Variants in DEPDC5 observed in about 807,000 individuals in gnomAD.
The protein encoded by DEPDC5 is DEP domain containing 5, GATOR1 subcomplex subunit, also known as GATOR1 complex protein DEPDC5.
DEPDC5 carries 73 observed loss-of-function variants against 217.3 expected under a neutral mutation model. The observed-to-expected ratio is 0.34, with a 90% CI of 0.28 to 0.41. The LOEUF (loss-of-function observed/expected upper bound fraction) is 0.41, where lower values mean the gene tolerates loss of function less well. DEPDC5 is among the 10% of genes least tolerant of loss of function. The pLI, the probability that DEPDC5 is intolerant of heterozygous loss-of-function variation, is 1.00. For missense variants in DEPDC5, 1,675 were observed against 2,070.1 expected (o/e 0.81, Z 3.70); for synonymous variants, 733 against 756.7 (o/e 0.97, Z 0.51).
chr22:31,860,725 G>A (rs368236420), intron 32 of DEPDC5, among the ~76,000 whole-genome samples: 4 of 152,012 alleles, frequency 2.6e-5, no homozygotes, highest in African/African-American at 7.3e-5. Context: ...GGAGGAGAAG[G>A]TATGGCTGCT....
chr22:31,775,130 A>G (rs2083706832), intron 7 of DEPDC5, among the ~76,000 whole-genome samples: 1 of 151,340 alleles, frequency 6.6e-6, no homozygotes, highest in Admixed American at 6.6e-5. Flanking sequence ...AGCCTGAACT[A>G]TGACTCATGG....
chr22:31,821,681 C>A, intron 23 of DEPDC5, 44 bp downstream of exon 23: 1 of 1,598,276 alleles, frequency 6.3e-7, no homozygotes, highest in South Asian at 1.1e-5. Context: ...TGAGAACACT[C>A]TCCAGCACCC....
chr22:31,833,871 CA>C, intron 24 of DEPDC5, 43 bp from the exon 25 acceptor site: 1 of 1,455,020 alleles, frequency 6.9e-7, no homozygotes, highest in Non-Finnish European at 9.2e-7. Context: ...AACTCTTTTG[CA>C]GAGTGAGCCT....
chr22:31,802,124 ATTTTTT>A (rs761007210), intron 14 of DEPDC5, among the ~76,000 whole-genome samples: 3 of 126,900 alleles, frequency 2.4e-5, no homozygotes, highest in African/African-American at 8.8e-5. Context: ...AACAGCATGA[ATTTTTT>A]TTTTTTTTTT....
intron 17 of DEPDC5, 23 bp downstream of exon 17, chr22:31,804,938 G>A: frequency 6.2e-7 from 1 of 1,604,902 alleles, no homozygotes; most frequent in Non-Finnish European, 8.5e-7. Flanking sequence ...TCGATCAATA[G>A]TAGGTGATAA....
chr22:31,791,953 A>T, intron 10 of DEPDC5, 80 bp from the exon 11 acceptor site: 3 of 532,606 alleles, frequency 5.6e-6, no homozygotes, highest in Non-Finnish European at 6.2e-6. Context: ...AAAAAAAAAG[A>T]ATATTATATG....
At position 31,902,434 on chromosome 22, in the gene DEPDC5, ATACT is replaced by A. The variant is rs1326055947; in HGVS notation, c.4436+635_4436+638del. 7.4e-3 allele frequency among the ~76,000 whole-genome samples: 977 copies of A among 131,740 alleles called. 15 individuals carry two copies. The highest frequency in any genetic ancestry group is 0.01 in the East Asian group (45 of 4,438). 86.4% of individuals were successfully genotyped at this position (131,740 alleles called of 152,430 possible). A position where few individuals can be genotyped will look rare whatever the true frequency, so the allele number is the denominator to read the frequency against. On this transcript the variant is annotated intron_variant, in intron 41 of 42. Transcript: ENST00000651528. ...TATATATATATATATATATATATATATACTTATATATACTCATACAACCACAGGA... is the reference window on the plus strand; with the variant it reads ...TATATATATATATATATATATATATATATATATACTCATACAACCACAGGA...
At chr22:31,878,574 G>T (rs2093070454) in intron 37 of DEPDC5, among the ~76,000 whole-genome samples, 2 of 151,848 alleles carry the variant, frequency 1.3e-5, no homozygotes, top group African/African-American at 2.4e-5. Context: ...TTGGCTGGGT[G>T]TGGTTGTACA....
At chr22:31,828,452 CAAAAA>C (rs35489633) in intron 24 of DEPDC5, among the ~76,000 whole-genome samples, 1 of 73,198 alleles carries the variant, frequency 1.4e-5, no homozygotes. Context: ...AACTCCGTCT[CAAAAA>C]AAAAAAAAAA....
intron 15 of DEPDC5, 93 bp from the exon 16 acceptor site, chr22:31,804,068 GC>G (rs1461394308): frequency 1.7e-6 from 2 of 1,201,344 alleles, no homozygotes; most frequent in Middle Eastern, 1.9e-4. Context: ...AGTTAGCTTT[GC>G]CTACTACCCA....
chr22:31,820,907 G>C (rs2089633118), intron 22 of DEPDC5, among the ~76,000 whole-genome samples: 1 of 152,110 alleles, frequency 6.6e-6, no homozygotes, highest in South Asian at 2.1e-4. Context: ...TCTCCTGCAC[G>C]TTTTGCCTCT....
intron 19 of DEPDC5, 42 bp downstream of exon 19, chr22:31,809,689 G>C: frequency 6.2e-7 from 1 of 1,608,662 alleles, no homozygotes; most frequent in Non-Finnish European, 8.5e-7. Context: ...TTTAAAAAGA[G>C]AGTCAGCTGG....
chr22:31,819,294 C>G, intron 22 of DEPDC5, 69 bp downstream of exon 22: 1 of 1,553,262 alleles, frequency 6.4e-7, no homozygotes, highest in Non-Finnish European at 8.8e-7. Flanking sequence ...TGTCGGTCAC[C>G]CATGTGTCCT....
At chr22:31,757,053 T>C (rs2081995122) in intron 2 of DEPDC5, 1 of 151,742 alleles carries the variant, frequency 6.6e-6, no homozygotes, top group African/African-American at 2.4e-5. Context: ...TTTGGTAAGA[T>C]AGACATGCAA....
chr22:31,809,638 C>T lies in DEPDC5; in HGVS notation c.1315C>T (p.Arg439Cys), dbSNP rs777306555. Residue 439 changes from arginine to cysteine, a missense_variant, in exon 19 of 43, where the codon CGT becomes TGT. Physicochemically the swap from Arg to Cys is radical, Grantham distance 180. Coordinates refer to ENST00000651528, the MANE Select transcript of DEPDC5 (RefSeq NM_001242896.3). ...KPASEKAKNG[R>C]DTSLGSPKES... ...CGCCTCTGAGAAAGCAAAAAATGGC[C>T]GTGATACATGTGAGTATTTTTTGAG... The T allele has an allele frequency of 5.6e-6, 9 of 1,613,912 alleles. No individual in the cohort carries two copies. The highest frequency in any genetic ancestry group is 4.5e-5 in the East Asian group (2 of 44,872).
At chr22:31,778,074 A>G in intron 7 of DEPDC5, 25 bp from the exon 8 acceptor site, 1 of 1,613,634 alleles carries the variant, frequency 6.2e-7, no homozygotes, top group Non-Finnish European at 8.5e-7. Context: ...AAGACTTGTA[A>G]TAACTTGTGT....
intron 33 of DEPDC5, among the ~76,000 whole-genome samples, chr22:31,862,542 C>T (rs1421579147): frequency 3.3e-5 from 5 of 152,020 alleles, no homozygotes; most frequent in East Asian, 1.9e-4. Context: ...TCCAGCCTGG[C>T]GACAGAGCCA....
rs1351408059 is a variant in DEPDC5, at chr22:31,810,608, G to A, written c.1412G>A (p.Gly471Asp). The A allele has an allele frequency of 6.2e-7, 1 of 1,614,152 alleles. No individual in the cohort carries two copies. The highest frequency in any genetic ancestry group is 1.7e-5 in the Admixed American group (1 of 60,012). The part of the protein sequence containing the change: ...AYDAQVFRLP[G>D]PSRAQCLTTC... ...GACGCTCAAGTGTTCAGGCTGCCCG[G>A]CCCATCCCGGGCCCAGTGCCTCACC... The change falls in exon 20 of 43, where the codon GGC becomes GAC. Residue 471 changes from glycine to aspartate, a missense_variant. Physicochemically the swap from Gly to Asp is moderately conservative, Grantham distance 94. Around this residue, in one of 11 missense-constraint regions of DEPDC5, gnomAD observed 628 missense variants for 762.1 expected, o/e 0.82. Transcript: ENST00000651528.
chr22:31,804,629 G>A (rs1396549749), intron 16 of DEPDC5, among the ~76,000 whole-genome samples: 2 of 152,154 alleles, frequency 1.3e-5, no homozygotes, highest in Non-Finnish European at 2.9e-5. Context: ...TAGTAGAGAC[G>A]GGGTTTCACC....
Sources: gnomAD v4.1 joint callset for allele counts (sites outside exome capture counted in the v4.1 genomes callset) on GRCh38, gnomAD v4.1.1 for gene constraint, gnomAD v4.1.1 regional missense constraint, MANE v1.5 for transcripts, NCBI Gene and HGNC (gene_info 2026-07-23, HGNC 2026-07-21) for gene names.